BTBD9: variants seen among roughly 807,000 people sequenced by gnomAD.
BTBD9 encodes BTB domain containing 9, also known as BTB/POZ domain-containing protein 9.
In BTBD9, 49 loss-of-function variants were observed where a neutral mutation model predicts 64.3. That is an observed-to-expected ratio of 0.76 (90% CI 0.61 to 0.97). The LOEUF is 0.97. BTBD9 is among the 50% of genes least tolerant of loss of function. BTBD9 has a pLI of 0.00. For synonymous variants in BTBD9, 260 were observed against 274.7 expected (o/e 0.95, Z 0.53); for missense variants, 598 against 762.1 (o/e 0.78, Z 2.53).
Position 38,580,313 on chromosome 6 carries a change from T to C in BTBD9, c.939A>G (p.Pro313=). The change falls in exon 5 of 11, where the codon CCA becomes CCG. Residue 313 remains proline (P), a synonymous_variant. Coordinates refer to ENST00000481247, the MANE Select transcript of BTBD9 (RefSeq NM_001099272.2). ...TGCCGGAACGGCAGTCATCATCAAT[T>C]GGGTGCCTTGAAAATCCATGATCCA... The part of the protein sequence containing the change: ...YDLDHGFSRH[P]IDDDCRSGIE... 6.2e-7 allele frequency: 1 copy of C among 1,614,254 alleles called. No individual in the cohort carries two copies. Among genetic ancestry groups the C allele is most frequent in the Non-Finnish European group, 8.5e-7 (1 of 1,180,038 alleles).
chr6:38,325,615 G>A (rs950890914), intron 7 of BTBD9, among the ~76,000 whole-genome samples: 2 of 152,208 alleles, frequency 1.3e-5, no homozygotes, highest in Non-Finnish European at 2.9e-5. Flanking sequence ...AACCCGGGAG[G>A]TGGAGCTTGC....
chr6:38,499,168 A>G (rs1219446379), intron 6 of BTBD9, among the ~76,000 whole-genome samples: 2 of 151,974 alleles, frequency 1.3e-5, no homozygotes, highest in Non-Finnish European at 2.9e-5. Flanking sequence ...GAGAAAAAAT[A>G]TTAACAAATT....
rs1437795793 is a variant in BTBD9 at position 38,184,301 on chromosome 6, C to T, written c.1641+8218G>A. On this transcript the variant is annotated intron_variant, in intron 10 of 10. Transcript: ENST00000481247. This position sits in a 1 kb window ranked among gnomAD's most constrained non-coding sequence, Gnocchi z 4.4. ...ACTATCCCGGCTGTCCCTGCACTGC[C>T]TCCTCTCTGGCCCAGTACCTCGCAT... Among the ~76,000 whole-genome samples, 2 of 152,238 alleles carry T rather than the reference C, an allele frequency of 1.3e-5. No homozygotes were observed. The highest frequency in any genetic ancestry group is 4.8e-5 in the African/African-American group (2 of 41,460).
intron 6 of BTBD9, among the ~76,000 whole-genome samples, chr6:38,395,421 A>G (rs1031071371): frequency 1.3e-5 from 2 of 152,190 alleles, no homozygotes; most frequent in Non-Finnish European, 2.9e-5. Context: ...AAAGAAAAAA[A>G]GGCCAGAGAA....
At chr6:38,310,174 T>C (rs548321446) in intron 7 of BTBD9, among the ~76,000 whole-genome samples, 36 of 152,276 alleles carry the variant, frequency 2.4e-4, no homozygotes, top group African/African-American at 8.4e-4. Flanking sequence ...GAATACTGCA[T>C]TCAGTATTGA....
At chr6:38,617,102 A>C (rs1777818683) in intron 1 of BTBD9, among the ~76,000 whole-genome samples, 1 of 152,192 alleles carries the variant, frequency 6.6e-6, no homozygotes, top group South Asian at 2.1e-4. Flanking sequence ...CACCGGACTA[A>C]AGACACGGGT....
chr6:38,258,900 A>T (rs1764701671), intron 8 of BTBD9, among the ~76,000 whole-genome samples: 2 of 152,334 alleles, frequency 1.3e-5, no homozygotes, highest in South Asian at 4.1e-4. Context: ...AAAAAAACAA[A>T]AAACAAAAAA....
chr6:38,289,142 G>A (rs886647459), intron 7 of BTBD9, among the ~76,000 whole-genome samples: 1 of 152,124 alleles, frequency 6.6e-6, no homozygotes, highest in East Asian at 1.9e-4. Flanking sequence ...GGAGGCTGAG[G>A]AGGGCAGATA....
In BTBD9 at chr6:38,233,808, G is replaced by A. The variant is rs1012420978; in HGVS notation, c.1562+22601C>T. On this transcript the variant is annotated intron_variant, in intron 9 of 10. Coordinates refer to ENST00000481247, the MANE Select transcript of BTBD9 (RefSeq NM_001099272.2). ...GGCTGCCACAATTTGCATGCATAATGTACTGAAAAGCCTTCTTTATAATGT... is the reference window on the plus strand; with the variant it reads ...GGCTGCCACAATTTGCATGCATAATATACTGAAAAGCCTTCTTTATAATGT... 2.0e-5 allele frequency among the ~76,000 whole-genome samples: 3 copies of A among 152,204 alleles called. No individual in the cohort carries two copies. In the East Asian group the frequency reaches 5.8e-4, roughly 29 times the overall value.
intron 6 of BTBD9, among the ~76,000 whole-genome samples, chr6:38,387,971 C>T (rs1766251313): frequency 6.6e-6 from 1 of 152,168 alleles, no homozygotes; most frequent in Non-Finnish European, 1.5e-5. Context: ...TCACTTCACA[C>T]TGATAGGATA....
intron 9 of BTBD9, among the ~76,000 whole-genome samples, chr6:38,254,953 T>A (rs1431075655): frequency 6.6e-6 from 1 of 152,104 alleles, no homozygotes; most frequent in Non-Finnish European, 1.5e-5. Context: ...ACATAAAAAC[T>A]TGTACAGGAA....
At chr6:38,577,327 C>T (rs922281953) in intron 6 of BTBD9, among the ~76,000 whole-genome samples, 1 of 152,134 alleles carries the variant, frequency 6.6e-6, no homozygotes, top group African/African-American at 2.4e-5. Context: ...AAAAGCATTC[C>T]ACTTCTCAAA....
intron 6 of BTBD9, among the ~76,000 whole-genome samples, chr6:38,548,346 C>T (rs1004155366): frequency 6.6e-6 from 1 of 152,206 alleles, no homozygotes; most frequent in African/African-American, 2.4e-5. Flanking sequence ...AATCATCTCT[C>T]TTCGAAGTCT....
chr6:38,483,836 A>G (rs4714166), intron 6 of BTBD9, among the ~76,000 whole-genome samples: 9,876 of 152,172 alleles, frequency 0.065, 796 homozygotes, highest in East Asian at 0.3. Context: ...ACTTCCTCAG[A>G]AAGGCCTTCC....
At chr6:38,515,770 C>CTAAGCTCTCTCTCTTCTTAG (rs2127414923) in intron 6 of BTBD9, among the ~76,000 whole-genome samples, 1 of 152,320 alleles carries the variant, frequency 6.6e-6, no homozygotes, top group East Asian at 1.9e-4. Context: ...TCACTAGCTA[C>CTAAGCTCTCTCTCTTCTTAG]TAAGCTCTCT....
rs1766820137 is a variant in BTBD9 at position 38,172,162 on chromosome 6, GCTCCCCA to G, written c.*2816_*2822del. ...TGGCCATGTCTCCTTCACAACCCCC[GCTCCCCA>G]CGGACTGAGCCTCCACTCTCTGCTG... is the stretch of plus-strand genomic sequence containing the variant. On this transcript the variant is annotated 3_prime_UTR_variant, in exon 11 of 11. Transcript: ENST00000481247. The G allele has an allele frequency of 6.6e-6, 1 of 151,924 alleles. No individual in the cohort carries two copies. The highest frequency in any genetic ancestry group is 1.5e-5 in the Non-Finnish European group (1 of 68,044). The allele number at this position is 151,924 out of a possible 1,614,324, so 9.4% of individuals were successfully genotyped here.
chr6:38,476,313 TA>T (rs1233311755), intron 6 of BTBD9, among the ~76,000 whole-genome samples: 2 of 152,224 alleles, frequency 1.3e-5, no homozygotes, highest in African/African-American at 4.8e-5. Flanking sequence ...ATCCTTGGAA[TA>T]AATGAATGCA....
chr6:38,190,062 T>G (rs1022993855), intron 10 of BTBD9, among the ~76,000 whole-genome samples: 1 of 151,366 alleles, frequency 6.6e-6, no homozygotes, highest in Non-Finnish European at 1.5e-5. Context: ...ACCTGTGGCC[T>G]CAGCCTCCCA....
chr6:38,438,899 G>A lies in BTBD9; in HGVS notation c.1155-93806C>T, dbSNP rs141769177. Among the ~76,000 whole-genome samples the A allele has an allele frequency of 2.0e-4, 31 of 152,310 alleles. No individual in the cohort carries two copies. The Middle Eastern group carries it at 0.01, about 50-fold the overall frequency. ...GAATAGAAGTGGAGGCCTGAAGGGA[G>A]TGAGGAAATAAGCCATGAAGATATC... On this transcript the variant is annotated intron_variant, in intron 6 of 10. Coordinates refer to ENST00000481247, the MANE Select transcript of BTBD9 (RefSeq NM_001099272.2).
Sources: gnomAD v4.1 joint callset for allele counts (sites outside exome capture counted in the v4.1 genomes callset) on GRCh38, gnomAD v4.1.1 for gene constraint, Gnocchi (gnomAD v3.1) non-coding constraint, MANE v1.5 for transcripts, NCBI Gene and HGNC (gene_info 2026-07-23, HGNC 2026-07-21) for gene names.